The following DIO2 variants were observed in gnomAD, a reference collection of about 807,000 sequenced individuals.
The protein encoded by DIO2 is iodothyronine deiodinase 2.
Under a neutral mutation model 21.4 loss-of-function variants are expected in DIO2, and 19 were observed. The ratio of observed to expected loss-of-function variants is 0.89; its 90% CI spans 0.62 to 1.30. The LOEUF is 1.30. DIO2 is among the 50% of genes most tolerant of loss of function. The pLI is 0.00. For missense variants in DIO2, 302 were observed against 338.1 expected (o/e 0.89, Z 0.84); for synonymous variants, 122 against 132.9 (o/e 0.92, Z 0.57).
chr14:80,206,171 A>C (rs938883974), intron 1 of DIO2: 17 of 1,124,084 alleles, frequency 1.5e-5, no homozygotes, highest in Non-Finnish European at 2.0e-5. Flanking sequence ...TAGGCAAGAG[A>C]AAATGCATAG....
Position 80,203,433 on chromosome 14 carries a change from A to G in DIO2, c.223-145T>C, listed in dbSNP as rs1887828044. On this transcript the variant is annotated intron_variant, in intron 1 of 1. Coordinates refer to ENST00000438257, the MANE Select transcript of DIO2 (RefSeq NM_013989.5). ...CCTTCAGAGCATTTGGTAAACATTT[A>G]TTGATTTGAGTAAAGAGGCATGATG... 3 of 1,042,852 alleles carry G rather than the reference A, an allele frequency of 2.9e-6. No individual in the cohort carries two copies. The African/African-American group carries it at 4.9e-5, about 17-fold the overall frequency. 64.6% of individuals were successfully genotyped at this position (1,042,852 alleles called of 1,614,324 possible).
intron 2 of DIO2, among the ~76,000 whole-genome samples, chr14:80,230,401 AG>A (rs1296996285): frequency 6.6e-6 from 1 of 152,172 alleles, no homozygotes; most frequent in African/African-American, 2.4e-5. Context: ...CTTTCTCTAT[AG>A]GAGATGAGAC....
At chr14:80,223,596 A>G (rs986438737) in intron 2 of DIO2, among the ~76,000 whole-genome samples, 8 of 152,206 alleles carry the variant, frequency 5.3e-5, no homozygotes, top group Non-Finnish European at 1.2e-4. Context: ...GCAGGAAAGG[A>G]CTTCTGTTAC....
chr14:80,215,415 G>A (rs896522055), upstream of DIO2, among the ~76,000 whole-genome samples: 3 of 152,048 alleles, frequency 2.0e-5, no homozygotes, highest in Non-Finnish European at 4.4e-5. Flanking sequence ...AAATAAAGTT[G>A]GATAATCTGA....
intron 2 of DIO2, among the ~76,000 whole-genome samples, chr14:80,225,465 A>G (rs1367812927): frequency 1.3e-5 from 2 of 152,248 alleles, no homozygotes; most frequent in African/African-American, 2.4e-5. Flanking sequence ...ATGATAAAGG[A>G]AAAGGAAATA....
rs370759186 is a variant in DIO2, at chr14:80,219,965, AT to A, written c.-277-3229del. Among the ~76,000 whole-genome samples, 135 of 152,328 alleles carry A rather than the reference AT, an allele frequency of 8.9e-4. 2 individuals carry two copies. Among genetic ancestry groups the A allele is most frequent in the African/African-American group, 3.1e-3 (129 of 41,586 alleles). On this transcript the variant is annotated intron_variant, in intron 2 of 4. Coordinates refer to the DIO2 transcript ENST00000553594. The stretch of plus-strand genomic sequence containing the variant: ...TTTTGACCTTAGAACATAATTAGGA[AT>A]GGATAACCTTCTCTTGATAAGCATA...
At position 80,198,455 on chromosome 14, in the gene DIO2, T is replaced by C. The variant is rs921236377; in HGVS notation, c.*4234A>G. On this transcript the variant is annotated 3_prime_UTR_variant, in exon 2 of 2. Transcript: ENST00000438257. ...GCTCATCCTAAAGTCACTCAATGAC[T>C]TGCAGCAGCCTTCAGCCTTCCTTCA... 1 of 152,674 alleles carries C rather than the reference T, an allele frequency of 6.5e-6. No individual in the cohort carries two copies. The highest frequency in any genetic ancestry group is 1.5e-5 in the Non-Finnish European group (1 of 68,062). The allele number at this position is 152,674 out of a possible 1,614,324, so 9.5% of individuals were successfully genotyped here.
At chr14:80,217,875 G>A (rs1243499020) in intron 2 of DIO2, among the ~76,000 whole-genome samples, 2 of 152,160 alleles carry the variant, frequency 1.3e-5, no homozygotes, top group Non-Finnish European at 2.9e-5. Flanking sequence ...AACTCACTCA[G>A]CAGTTTGGCA....
chr14:80,211,745 T>C (rs1478443310), upstream of DIO2: 1 of 128,428 alleles, frequency 7.8e-6, no homozygotes, highest in Non-Finnish European at 1.5e-5. Context: ...TTTTTTTTTT[T>C]TTTTTTTTTT....
intron 1 of DIO2, among the ~76,000 whole-genome samples, chr14:80,208,765 C>A (rs1888051693): frequency 6.6e-6 from 1 of 152,118 alleles, no homozygotes; most frequent in Non-Finnish European, 1.5e-5. Flanking sequence ...TTCTGAGTGA[C>A]CCTCAAATGC....
At chr14:80,215,116 T>C (rs117159269), upstream of DIO2, among the ~76,000 whole-genome samples, 5 of 152,330 alleles carry the variant, frequency 3.3e-5, no homozygotes, top group Admixed American at 6.5e-5. Context: ...TATGTGTTCT[T>C]AGCAATCAAC....
At chr14:80,224,166 TA>T (rs1888522143) in intron 2 of DIO2, among the ~76,000 whole-genome samples, 1 of 152,158 alleles carries the variant, frequency 6.6e-6, no homozygotes, top group Non-Finnish European at 1.5e-5. Flanking sequence ...ATTCATTTTG[TA>T]AATGAGAAAA....
At chr14:80,223,436 A>C (rs1309244252) in intron 2 of DIO2, among the ~76,000 whole-genome samples, 1 of 152,184 alleles carries the variant, frequency 6.6e-6, no homozygotes, top group Non-Finnish European at 1.5e-5. Context: ...TTTTGTAGGC[A>C]ATATGTTGTG....
At chr14:80,218,551 T>G (rs1018464230) in intron 2 of DIO2, among the ~76,000 whole-genome samples, 6 of 152,076 alleles carry the variant, frequency 3.9e-5, no homozygotes, top group African/African-American at 1.4e-4. Flanking sequence ...GGCCAAATAT[T>G]CCTGACCCTG....
chr14:80,228,271 C>A (rs1888615355), intron 2 of DIO2, among the ~76,000 whole-genome samples: 2 of 152,148 alleles, frequency 1.3e-5, no homozygotes, highest in Non-Finnish European at 1.5e-5. Context: ...TTCTGGTGAG[C>A]CTTATGGACA....
upstream of DIO2, among the ~76,000 whole-genome samples, chr14:80,212,976 T>C (rs1273601967): frequency 6.6e-6 from 1 of 152,220 alleles, no homozygotes; most frequent in Non-Finnish European, 1.5e-5. Context: ...GCTGAGAAAT[T>C]ATTAATGAAA....
rs774136099 is a variant in DIO2, at chr14:80,205,779, T to C, written c.223-2491A>G. ...GAAAGTTACCAAATTCGTAATGCTCTTTATGGGGGGGATTTAGCATTTTGT... is the reference window on the plus strand; with the variant it reads ...GAAAGTTACCAAATTCGTAATGCTCCTTATGGGGGGGATTTAGCATTTTGT... On this transcript the variant is annotated intron_variant, in intron 1 of 1. Transcript: ENST00000438257. 1.0e-5 allele frequency: 12 copies of C among 1,186,022 alleles called. No individual in the cohort carries two copies. The East Asian group carries it at 6.0e-4, about 60-fold the overall frequency. 73.5% of individuals were successfully genotyped at this position (1,186,022 alleles called of 1,614,324 possible).
Position 80,200,845 on chromosome 14 carries a change from G to A in DIO2, c.*1844C>T, listed in dbSNP as rs1432137732. The A allele has an allele frequency of 2.6e-5, 4 of 152,058 alleles. No homozygotes were observed. The highest frequency in any genetic ancestry group is 5.9e-5 in the Non-Finnish European group (4 of 67,998). 9.4% of individuals were successfully genotyped at this position (152,058 alleles called of 1,614,324 possible). A position where few individuals can be genotyped will look rare whatever the true frequency, so the allele number is the denominator to read the frequency against. Reference sequence around the variant, plus strand: ...CCATTTAAAAAATAAAATAAAATACGTTTGGTTCTTGCACACCTAGTTCTC... The same window carrying A: ...CCATTTAAAAAATAAAATAAAATACATTTGGTTCTTGCACACCTAGTTCTC... On this transcript the variant is annotated 3_prime_UTR_variant, in exon 2 of 2. Coordinates refer to ENST00000438257, the MANE Select transcript of DIO2 (RefSeq NM_013989.5).
chr14:80,226,353 G>A (rs1040215307), intron 2 of DIO2, among the ~76,000 whole-genome samples: 3 of 152,214 alleles, frequency 2.0e-5, no homozygotes, highest in African/African-American at 4.8e-5. Context: ...CATAAAGTGA[G>A]TGCCTTGGTC....
Sources: gnomAD v4.1 joint callset for allele counts (sites outside exome capture counted in the v4.1 genomes callset) on GRCh38, gnomAD v4.1.1 for gene constraint, MANE v1.5 for transcripts, NCBI Gene and HGNC (gene_info 2026-07-23, HGNC 2026-07-21) for gene names.